The following PLCXD3 variants were observed in gnomAD, a reference collection of about 807,000 sequenced individuals.
PLCXD3 encodes the protein PI-PLC X domain-containing protein 3.
A neutral mutation model predicts 25.5 loss-of-function variants in PLCXD3; 19 were observed. The ratio of observed to expected loss-of-function variants is 0.75; its 90% confidence interval spans 0.52 to 1.09. The LOEUF is 1.09. Among genes scored for constraint, PLCXD3 ranks in the 50% least tolerant of loss-of-function variants. The pLI, the probability that PLCXD3 is intolerant of heterozygous loss-of-function variation, is 0.00. For synonymous variants in PLCXD3, 174 were observed against 137.6 expected (o/e 1.26, Z -1.85); for missense variants, 411 against 388.1 (o/e 1.06, Z -0.50).
At chr5:41,330,225 A>G (rs1268165700) in intron 2 of PLCXD3, among the ~76,000 whole-genome samples, 1 of 152,208 alleles carries the variant, frequency 6.6e-6, no homozygotes, top group Non-Finnish European at 1.5e-5. Flanking sequence ...AAAAAGAGAG[A>G]AGAATCAAAT....
Position 41,396,084 on chromosome 5 carries a change from C to A in PLCXD3, c.104-13550G>T, listed in dbSNP as rs911121668. On this transcript the variant is annotated intron_variant, in intron 1 of 2. Coordinates refer to ENST00000377801, the MANE Select transcript of PLCXD3 (RefSeq NM_001005473.3). ...TGAATATTGATGCAAAAATCCTCAG[C>A]AAAATACTAGGAGACTGAATTCAAC... is the stretch of plus-strand genomic sequence containing the variant. 5.3e-5 allele frequency among the ~76,000 whole-genome samples: 8 copies of A among 151,738 alleles called. No individual in the cohort carries two copies. The East Asian group carries it at 1.5e-3, about 29-fold the overall frequency.
At chr5:41,487,002 G>C (rs543887086) in intron 1 of PLCXD3, among the ~76,000 whole-genome samples, 2 of 151,980 alleles carry the variant, frequency 1.3e-5, no homozygotes, top group East Asian at 3.9e-4. Flanking sequence ...TAATTAGAAT[G>C]CGAATTTAAA....
At chr5:41,336,964 GATGGCAGGAA>G (rs1210517328) in intron 2 of PLCXD3, among the ~76,000 whole-genome samples, 1 of 152,158 alleles carries the variant, frequency 6.6e-6, no homozygotes, top group Admixed American at 6.6e-5. Flanking sequence ...GTGTAATCTA[GATGGCAGGAA>G]ATTCTGCGAT....
intron 1 of PLCXD3, among the ~76,000 whole-genome samples, chr5:41,388,098 G>T (rs1260884461): frequency 6.6e-6 from 1 of 151,716 alleles, no homozygotes; most frequent in Non-Finnish European, 1.5e-5. Flanking sequence ...TTTTGCCTTA[G>T]TTTCTTGCTG....
chr5:41,504,546 G>C (rs17207595), intron 1 of PLCXD3, among the ~76,000 whole-genome samples: 34,085 of 152,114 alleles, frequency 0.22, 3,783 homozygotes, highest in East Asian at 0.28. Flanking sequence ...CTTCCACAAT[G>C]GGTGACCAAG....
At chr5:41,509,152 T>G (rs1464903275) in intron 1 of PLCXD3, among the ~76,000 whole-genome samples, 1 of 152,092 alleles carries the variant, frequency 6.6e-6, no homozygotes, top group East Asian at 1.9e-4. Flanking sequence ...TAACCCTTCT[T>G]TTGTTTTTGT....
At chr5:41,373,425 C>T (rs908847093) in intron 2 of PLCXD3, among the ~76,000 whole-genome samples, 5 of 152,060 alleles carry the variant, frequency 3.3e-5, no homozygotes, top group African/African-American at 7.2e-5. Flanking sequence ...TAAATGCAAA[C>T]GTCCCATTTT....
chr5:41,410,805 G>C (rs1457441376), intron 1 of PLCXD3, among the ~76,000 whole-genome samples: 1 of 152,204 alleles, frequency 6.6e-6, no homozygotes, highest in Non-Finnish European at 1.5e-5. Flanking sequence ...AGTTGGGAAA[G>C]GAAATGTGGT....
At chr5:41,407,021 G>C (rs185046767) in intron 1 of PLCXD3, among the ~76,000 whole-genome samples, 3 of 152,262 alleles carry the variant, frequency 2.0e-5, no homozygotes, top group Admixed American at 1.3e-4. Flanking sequence ...CTGGTCATCT[G>C]CTGAGTCTGC....
At chr5:41,481,744 G>GGA (rs761047866) in intron 1 of PLCXD3, among the ~76,000 whole-genome samples, 185 of 152,320 alleles carry the variant, frequency 1.2e-3, no homozygotes, top group Non-Finnish European at 1.9e-3. Flanking sequence ...TCAAAAGAAG[G>GGA]GAGAGAAGCT....
At chr5:41,351,819 T>C (rs1456882283) in intron 2 of PLCXD3, among the ~76,000 whole-genome samples, 1 of 152,200 alleles carries the variant, frequency 6.6e-6, no homozygotes, top group Non-Finnish European at 1.5e-5. Flanking sequence ...CAAACAGATC[T>C]CAGTTTAAAT....
chr5:41,468,119 G>A (rs960114291), intron 1 of PLCXD3, among the ~76,000 whole-genome samples: 4 of 137,650 alleles, frequency 2.9e-5, no homozygotes, highest in Non-Finnish European at 6.1e-5. Flanking sequence ...CTGGGTTGAA[G>A]CAATTCTCCT....
intron 1 of PLCXD3, among the ~76,000 whole-genome samples, chr5:41,493,108 T>C (rs1357182081): frequency 2.0e-5 from 3 of 152,184 alleles, no homozygotes; most frequent in Admixed American, 1.3e-4. Flanking sequence ...GATGGGTTTT[T>C]GGTGTGGATG....
intron 2 of PLCXD3, among the ~76,000 whole-genome samples, chr5:41,324,525 T>C (rs1420422965): frequency 1.3e-5 from 2 of 152,130 alleles, no homozygotes; most frequent in African/African-American, 4.8e-5. Flanking sequence ...GAGCAGCAGG[T>C]GGAGACATTT....
intron 1 of PLCXD3, among the ~76,000 whole-genome samples, 166 bp from the exon 2 acceptor site, chr5:41,382,700 T>C (rs565493958): frequency 1.3e-5 from 2 of 152,178 alleles, no homozygotes; most frequent in African/African-American, 2.4e-5. Context: ...TTTATATAAA[T>C]TGACATAAGA....
intron 1 of PLCXD3, among the ~76,000 whole-genome samples, chr5:41,423,401 T>C (rs931464457): frequency 6.6e-6 from 1 of 152,110 alleles, no homozygotes; most frequent in African/African-American, 2.4e-5. Flanking sequence ...TATTAAGTTT[T>C]TCAAGTATAT....
chr5:41,357,487 C>T (rs1324119229), intron 2 of PLCXD3, among the ~76,000 whole-genome samples: 1 of 152,166 alleles, frequency 6.6e-6, no homozygotes, highest in African/African-American at 2.4e-5. Flanking sequence ...ATCTGACCTC[C>T]AAAACTACTC....
At chr5:41,395,213 C>T (rs1223315160) in intron 1 of PLCXD3, among the ~76,000 whole-genome samples, 3 of 152,008 alleles carry the variant, frequency 2.0e-5, no homozygotes, top group Admixed American at 6.6e-5. Flanking sequence ...TAAGAATATG[C>T]TTCTGAATGA....
chr5:41,317,760 A>T (rs1743345406), intron 2 of PLCXD3, among the ~76,000 whole-genome samples: 1 of 152,036 alleles, frequency 6.6e-6, no homozygotes. Context: ...TTAATGGCAG[A>T]ATGGATCAAG....
Sources: gnomAD v4.1 joint callset for allele counts (sites outside exome capture counted in the v4.1 genomes callset) on GRCh38, gnomAD v4.1.1 for gene constraint, MANE v1.5 for transcripts, NCBI Gene and HGNC (gene_info 2026-07-23, HGNC 2026-07-21) for gene names.